TSHZ2: variants seen among roughly 807,000 people sequenced by gnomAD.
The protein encoded by TSHZ2 is teashirt homolog 2.
A neutral mutation model predicts 74.4 loss-of-function variants in TSHZ2; 21 were observed. The observed-to-expected ratio is 0.28, with a 90% CI of 0.20 to 0.41. The LOEUF (loss-of-function observed/expected upper bound fraction) is 0.41, where lower values mean the gene tolerates loss of function less well. Among genes scored for constraint, TSHZ2 ranks in the 10% least tolerant of loss-of-function variants. The pLI is 1.00. For missense variants in TSHZ2, 1,244 were observed against 1,293.5 expected, an observed-to-expected ratio of 0.96 and a Z score of 0.59; for synonymous variants, 540 against 515.3, an observed-to-expected ratio of 1.05 and a Z score of -0.65.
intron 2 of TSHZ2, among the ~76,000 whole-genome samples, chr20:53,326,704 G>A (rs1979508571): frequency 6.6e-6 from 1 of 152,204 alleles, no homozygotes; most frequent in Non-Finnish European, 1.5e-5. Context: ...AATATTATTA[G>A]TAAGAGCTGA....
chr20:53,020,514 G>A (rs1031593156), intron 1 of TSHZ2, among the ~76,000 whole-genome samples: 2 of 152,274 alleles, frequency 1.3e-5, no homozygotes, highest in African/African-American at 2.4e-5. Flanking sequence ...AAAAAGGTCC[G>A]AAACCACTAG....
At chr20:53,116,393 C>T (rs1986666962) in intron 1 of TSHZ2, among the ~76,000 whole-genome samples, 1 of 152,122 alleles carries the variant, frequency 6.6e-6, no homozygotes, top group Non-Finnish European at 1.5e-5. Flanking sequence ...GATGGCTTCC[C>T]ACAGGCCACC....
chr20:53,144,951 CA>C (rs898343079), intron 1 of TSHZ2, among the ~76,000 whole-genome samples: 1 of 151,890 alleles, frequency 6.6e-6, no homozygotes, highest in African/African-American at 2.4e-5. Context: ...TAATTCACAC[CA>C]ACAATGTTTA....
chr20:53,447,348 C>T (rs1451102705), intron 2 of TSHZ2, among the ~76,000 whole-genome samples: 2 of 152,230 alleles, frequency 1.3e-5, no homozygotes, highest in Non-Finnish European at 2.9e-5. Flanking sequence ...GGAAATGTGT[C>T]TGATTGCTCT....
intron 2 of TSHZ2, among the ~76,000 whole-genome samples, chr20:53,452,364 C>T (rs964192058): frequency 6.6e-6 from 1 of 152,190 alleles, no homozygotes; most frequent in Non-Finnish European, 1.5e-5. Context: ...CTTTGGGAGG[C>T]CGAGGCAGGT....
chr20:53,405,493 C>T (rs1982817407), intron 2 of TSHZ2, among the ~76,000 whole-genome samples: 7 of 152,140 alleles, frequency 4.6e-5, no homozygotes, highest in Admixed American at 4.6e-4. Context: ...ATCACTCATT[C>T]ATTTGGCAAA....
Position 52,972,850 on chromosome 20 carries a change from C to T in TSHZ2, c.-444C>T. On this transcript the variant is annotated 5_prime_UTR_variant, in exon 1 of 3. Transcript: ENST00000371497. ...CCTTTTTTTTTTCCTTATCTTTACGCGCGAGTGTGCCTGTGGCGCGTGTGC... is the reference window on the plus strand; with the variant it reads ...CCTTTTTTTTTTCCTTATCTTTACGTGCGAGTGTGCCTGTGGCGCGTGTGC... 1 of 203,498 alleles carries T rather than the reference C, an allele frequency of 4.9e-6. No homozygotes were observed. Among genetic ancestry groups the T allele is most frequent in the Non-Finnish European group, 9.5e-6 (1 of 105,436 alleles). 12.6% of individuals were successfully genotyped at this position (203,498 alleles called of 1,614,324 possible). A position where few individuals can be genotyped will look rare whatever the true frequency, so the allele number is the denominator to read the frequency against.
rs1245540925 is a variant in TSHZ2, at chr20:53,493,851, T to A, written c.*6716T>A. 3 of 152,228 alleles carry A rather than the reference T, an allele frequency of 2.0e-5. No individual in the cohort carries two copies. Among genetic ancestry groups the A allele is most frequent in the Non-Finnish European group, 4.4e-5 (3 of 68,040 alleles). The allele number at this position is 152,228 out of a possible 1,614,324, so 9.4% of individuals were successfully genotyped here. A position where few individuals can be genotyped will look rare whatever the true frequency, so the allele number is the denominator to read the frequency against. On this transcript the variant is annotated 3_prime_UTR_variant, in exon 3 of 3. Coordinates refer to ENST00000371497, the MANE Select transcript of TSHZ2 (RefSeq NM_173485.6). ...TCTGGGATCTGGAAAATTCTTCCCT[T>A]GGCTGACCCCAATTTCTTTTACTCC...
chr20:53,486,593 T>C (rs1986294401), intron 2 of TSHZ2, among the ~76,000 whole-genome samples: 2 of 151,926 alleles, frequency 1.3e-5, no homozygotes, highest in African/African-American at 4.8e-5. Flanking sequence ...GGTGGGAGGA[T>C]CACTTGGGCC....
Position 53,493,905 on chromosome 20 carries a change from C to T in TSHZ2, c.*6770C>T, listed in dbSNP as rs1986510522. The T allele has an allele frequency of 6.6e-6, 1 of 152,196 alleles. No homozygotes were observed. The allele number at this position is 152,196 out of a possible 1,614,324, so 9.4% of individuals were successfully genotyped here. ...TTATCCTGAATATTAGCTTTCAATG[C>T]AGTCACTATTTGACATTTCCAAAGG... On this transcript the variant is annotated 3_prime_UTR_variant, in exon 3 of 3. Transcript: ENST00000371497.
intron 1 of TSHZ2, among the ~76,000 whole-genome samples, chr20:53,138,265 T>C (rs1987297561): frequency 6.6e-6 from 1 of 151,788 alleles, no homozygotes; most frequent in South Asian, 2.1e-4. Context: ...GCGCCTGTAG[T>C]CCCAGCTACT....
intron 1 of TSHZ2, among the ~76,000 whole-genome samples, chr20:53,244,862 T>C (rs1990164268): frequency 6.6e-6 from 1 of 152,240 alleles, no homozygotes; most frequent in Admixed American, 6.5e-5. Context: ...CTTGTACAAG[T>C]GATTTAATAT....
chr20:52,976,559 C>T (rs1981347012), intron 1 of TSHZ2, among the ~76,000 whole-genome samples: 1 of 152,180 alleles, frequency 6.6e-6, no homozygotes, highest in Admixed American at 6.5e-5. Context: ...GAAAGTAAAA[C>T]AGAACGGTGT....
chr20:53,465,822 C>A (rs1310793652), intron 2 of TSHZ2, among the ~76,000 whole-genome samples: 1 of 151,986 alleles, frequency 6.6e-6, no homozygotes, highest in Non-Finnish European at 1.5e-5. Context: ...TGAAAACTAC[C>A]ATTAAAATGA....
chr20:53,227,283 C>T (rs1018932586), intron 1 of TSHZ2, among the ~76,000 whole-genome samples: 1 of 152,034 alleles, frequency 6.6e-6, no homozygotes, highest in South Asian at 2.1e-4. Flanking sequence ...CGTGCAGCCT[C>T]TGTCTATTTA....
At chr20:53,047,227 T>C (rs1173807918) in intron 1 of TSHZ2, among the ~76,000 whole-genome samples, 1 of 152,220 alleles carries the variant, frequency 6.6e-6, no homozygotes, top group Non-Finnish European at 1.5e-5. Flanking sequence ...AAAGATAACA[T>C]GACTTTATTA....
chr20:53,265,995 T>C (rs1568843496), intron 2 of TSHZ2, among the ~76,000 whole-genome samples: 1 of 152,184 alleles, frequency 6.6e-6, no homozygotes, highest in Non-Finnish European at 1.5e-5. Context: ...CTCCCTGCCC[T>C]TGGGAAGCTT....
At chr20:53,063,495 G>C (rs1211724409) in intron 1 of TSHZ2, among the ~76,000 whole-genome samples, 1 of 152,142 alleles carries the variant, frequency 6.6e-6, no homozygotes, top group African/African-American at 2.4e-5. Context: ...GTAGATTTCA[G>C]ACTGTAAATA....
intron 1 of TSHZ2, among the ~76,000 whole-genome samples, chr20:53,185,005 T>C (rs777918150): frequency 2.0e-5 from 3 of 152,204 alleles, no homozygotes; most frequent in Non-Finnish European, 4.4e-5. Context: ...ATTCAGACCA[T>C]AATCATATTC....
Sources: gnomAD v4.1 joint callset for allele counts (sites outside exome capture counted in the v4.1 genomes callset) on GRCh38, gnomAD v4.1.1 for gene constraint, MANE v1.5 for transcripts, NCBI Gene and HGNC (gene_info 2026-07-23, HGNC 2026-07-21) for gene names.